Variants in RABL6 observed in about 807,000 individuals in gnomAD.
RABL6 encodes rab-like protein 6.
RABL6 carries 28 observed loss-of-function variants against 72.9 expected under a neutral mutation model. That is an observed-to-expected ratio of 0.38 (90% CI 0.28 to 0.53). The LOEUF (loss-of-function observed/expected upper bound fraction) is 0.53. RABL6 is among the 20% of genes least tolerant of loss of function. RABL6 has a pLI of 0.80. For synonymous variants in RABL6, 477 were observed against 421.2 expected (o/e 1.13, Z -1.62); for missense variants, 1,029 against 1,008.4 (o/e 1.02, Z -0.28).
At chr9:136,813,658 A>T in intron 1 of RABL6, 1 of 238,316 alleles carries the variant, frequency 4.2e-6, no homozygotes, top group Middle Eastern at 1.4e-3. Flanking sequence ...TCTGTTGCCC[A>T]GGCTGGAGTG....
chr9:136,810,596 C>CAGTG (rs1008753927), intron 1 of RABL6, among the ~76,000 whole-genome samples: 30 of 152,220 alleles, frequency 2.0e-4, no homozygotes, highest in African/African-American at 7.0e-4. Flanking sequence ...GGCTGGAGTG[C>CAGTG]AGTGGCGTGA....
intron 3 of RABL6, among the ~76,000 whole-genome samples, 166 bp downstream of exon 3, chr9:136,825,992 C>T (rs1419856896): frequency 3.3e-5 from 5 of 152,182 alleles, no homozygotes; most frequent in Admixed American, 2.0e-4. Context: ...GACCCCGCAG[C>T]GTGGCGCAGC....
chr9:136,839,119 G>A lies in RABL6; in HGVS notation c.1491G>A (p.Lys497=), dbSNP rs1382910477. The A allele has an allele frequency of 6.2e-7, 1 of 1,612,236 alleles. No homozygotes were observed. Among genetic ancestry groups the A allele is most frequent in the African/African-American group, 1.3e-5 (1 of 75,048 alleles). The change falls in exon 11 of 15, where the codon AAG becomes AAA. Residue 497 remains lysine, a splice_region_variant and synonymous_variant. Transcript: ENST00000311502. The part of the protein sequence containing the change: ...APQQCSEPET[K]WSSIPASKPR... ...AGCAGTGCTCAGAGCCAGAGACCAAGTGGTAAGGGCAGGTGTCCCCACGGG... is the reference window on the plus strand; with the variant it reads ...AGCAGTGCTCAGAGCCAGAGACCAAATGGTAAGGGCAGGTGTCCCCACGGG...
Position 136,828,403 on chromosome 9 carries a change from G to T in RABL6, c.314-91G>T. ...GTGGAGTAGAGCACCCGCTGGAGCT[G>T]GGGGCTGAGTGGCCATGGGGGGACC... On this transcript the variant is annotated intron_variant, in intron 3 of 14. Transcript: ENST00000311502. 3.0e-6 allele frequency: 4 copies of T among 1,331,032 alleles called. No homozygotes were observed. The Admixed American group carries it at 7.4e-5, about 25-fold the overall frequency. The allele number at this position is 1,331,032 out of a possible 1,614,324, so 82.5% of individuals were successfully genotyped here. A position where few individuals can be genotyped will look rare whatever the true frequency, so the allele number is the denominator to read the frequency against.
Position 136,840,608 on chromosome 9 carries a change from C to G in RABL6, c.*86C>G. Reference sequence around the variant, plus strand: ...ATTTGCCTCTGTACCATCGCCTTTGCCGCTGCCCCGTGGCTGCCGTGTGCG... The same window carrying G: ...ATTTGCCTCTGTACCATCGCCTTTGGCGCTGCCCCGTGGCTGCCGTGTGCG... On this transcript the variant is annotated 3_prime_UTR_variant, in exon 15 of 15. Coordinates refer to ENST00000311502, the MANE Select transcript of RABL6 (RefSeq NM_024718.5). 1 of 1,549,560 alleles carries G rather than the reference C, an allele frequency of 6.5e-7. No individual in the cohort carries two copies. The highest frequency in any genetic ancestry group is 8.7e-7 in the Non-Finnish European group (1 of 1,146,842).
chr9:136,831,913 CGGG>C (rs1848485205), intron 6 of RABL6, 52 bp downstream of exon 6: 1 of 1,555,030 alleles, frequency 6.4e-7, no homozygotes, highest in South Asian at 1.2e-5. Context: ...CTCCGGTGTG[CGGG>C]GGAGGGTGCT....
In RABL6 at chr9:136,837,019, A is replaced by G. The variant is rs540637860; in HGVS notation, c.810-327A>G. The G allele has an allele frequency of 5.8e-3, 2,503 of 431,940 alleles. 54 individuals carry two copies. Among genetic ancestry groups the G allele is most frequent in the African/African-American group, 0.046 (2,285 of 49,534 alleles). The allele number at this position is 431,940 out of a possible 1,614,324, so 26.8% of individuals were successfully genotyped here. On this transcript the variant is annotated intron_variant, in intron 8 of 14. Transcript: ENST00000311502. ...CTCCCAAGTAGCTGGGGCTACAGGC[A>G]CCCGCCACCACACCCGGCTAATTTT...
chr9:136,809,828 A>G, intron 1 of RABL6: 1 of 162,290 alleles, frequency 6.2e-6, no homozygotes. Context: ...GTGTTCAGTA[A>G]CCCAAGCATC....
At chr9:136,816,317 C>G (rs1227515898) in intron 1 of RABL6, among the ~76,000 whole-genome samples, 1 of 152,054 alleles carries the variant, frequency 6.6e-6, no homozygotes, top group African/African-American at 2.4e-5. Flanking sequence ...GTTGCCCAGG[C>G]TGGTCTCAAA....
At chr9:136,808,845 T>G (rs913052577) in intron 1 of RABL6, 3 of 152,224 alleles carry the variant, frequency 2.0e-5, no homozygotes, top group African/African-American at 4.8e-5. Flanking sequence ...TCGCCTTTTT[T>G]TTTAAAAGAA....
At chr9:136,829,505 G>C (rs1340590129) in intron 5 of RABL6, 21 bp downstream of exon 5, 1 of 1,550,888 alleles carries the variant, frequency 6.4e-7, no homozygotes, top group South Asian at 1.2e-5. Context: ...GCTGGCGGGG[G>C]CAGCTGCCTG....
intron 10 of RABL6, among the ~76,000 whole-genome samples, chr9:136,838,664 G>A (rs1232658035): frequency 7.9e-5 from 12 of 152,190 alleles, no homozygotes; most frequent in Non-Finnish European, 1.2e-4. Flanking sequence ...CCACTTGTGC[G>A]GCTCCACATC....
chr9:136,838,760 AG>A (rs1848629942), intron 10 of RABL6, 148 bp from the exon 11 acceptor site: 2 of 675,914 alleles, frequency 3.0e-6, no homozygotes, highest in Non-Finnish European at 4.8e-6. Flanking sequence ...TGTGACCATG[AG>A]GGGGCCTCTC....
At position 136,841,031 on chromosome 9, in the gene RABL6, C is replaced by T. The variant is rs1182769221; in HGVS notation, c.*509C>T. On this transcript the variant is annotated 3_prime_UTR_variant, in exon 15 of 15. Coordinates refer to ENST00000311502, the MANE Select transcript of RABL6 (RefSeq NM_024718.5). Reference sequence around the variant, plus strand: ...GCCCCACGCTAGAAGGCTGGCGAGACCGAAGGCAGCATGTGAGGCCTCTCC... The same window carrying T: ...GCCCCACGCTAGAAGGCTGGCGAGATCGAAGGCAGCATGTGAGGCCTCTCC... The T allele has an allele frequency of 1.4e-6, 2 of 1,429,530 alleles. No homozygotes were observed. The highest frequency in any genetic ancestry group is 6.0e-5 in the Admixed American group (2 of 33,242). 88.6% of individuals were successfully genotyped at this position (1,429,530 alleles called of 1,614,324 possible). A position where few individuals can be genotyped will look rare whatever the true frequency, so the allele number is the denominator to read the frequency against.
chr9:136,841,042 A>G lies in RABL6; in HGVS notation c.*520A>G. ...GAAGGCTGGCGAGACCGAAGGCAGCATGTGAGGCCTCTCCTGGGAGTGGGG... is the reference window on the plus strand; with the variant it reads ...GAAGGCTGGCGAGACCGAAGGCAGCGTGTGAGGCCTCTCCTGGGAGTGGGG... On this transcript the variant is annotated 3_prime_UTR_variant, in exon 15 of 15. Coordinates refer to ENST00000311502, the MANE Select transcript of RABL6 (RefSeq NM_024718.5). The G allele has an allele frequency of 7.0e-7, 1 of 1,426,872 alleles. No individual in the cohort carries two copies. The highest frequency in any genetic ancestry group is 1.5e-5 in the South Asian group (1 of 65,002). The allele number at this position is 1,426,872 out of a possible 1,614,324, so 88.4% of individuals were successfully genotyped here.
chr9:136,823,704 C>T, intron 2 of RABL6, 45 bp downstream of exon 2: 1 of 1,547,972 alleles, frequency 6.5e-7, no homozygotes, highest in Non-Finnish European at 8.8e-7. Context: ...CCAGGCTTCT[C>T]CTCCCTCAGC....
chr9:136,829,847 A>G (rs1261246146), intron 5 of RABL6, among the ~76,000 whole-genome samples: 1 of 152,230 alleles, frequency 6.6e-6, no homozygotes, highest in Non-Finnish European at 1.5e-5. Context: ...ACCTAGGAGG[A>G]CCCACAGCCA....
intron 9 of RABL6, 42 bp downstream of exon 9, chr9:136,837,704 C>T (rs1317374188): frequency 2.6e-6 from 4 of 1,550,890 alleles, no homozygotes; most frequent in Non-Finnish European, 3.5e-6. Context: ...TCCCAGACCC[C>T]CAGGCCCTCA....
rs35850059 is a variant in RABL6, at chr9:136,818,061, C to CAAA, written c.131-5446_131-5444dup. On this transcript the variant is annotated intron_variant, in intron 1 of 14. Transcript: ENST00000311502. ...TGGGCAACAGAACAAGACTCCATCT[C>CAAA]AAAAAAAAAAAAAAAAAAAATGACG... Among the ~76,000 whole-genome samples, 98 of 78,408 alleles carry CAAA rather than the reference C, an allele frequency of 1.2e-3. 1 individual carries two copies. The highest frequency in any genetic ancestry group is 2.4e-3 in the East Asian group (7 of 2,942). The allele number at this position is 78,408 out of a possible 152,430, so 51.4% of individuals were successfully genotyped here.
Sources: gnomAD v4.1 joint callset for allele counts (sites outside exome capture counted in the v4.1 genomes callset) on GRCh38, gnomAD v4.1.1 for gene constraint, MANE v1.5 for transcripts, NCBI Gene and HGNC (gene_info 2026-07-23, HGNC 2026-07-21) for gene names.